Variants in GLDC observed in about 807,000 individuals in gnomAD.
GLDC encodes glycine dehydrogenase (decarboxylating), mitochondrial.
GLDC carries 104 observed loss-of-function variants against 121.3 expected under a neutral mutation model. That is an observed-to-expected ratio of 0.86 (90% CI 0.73 to 1.01). GLDC has a LOEUF of 1.01. GLDC is among the 50% of genes least tolerant of loss of function. The pLI is 0.00. For missense variants in GLDC, 1,429 were observed against 1,306.6 expected, an observed-to-expected ratio of 1.09 and a Z score of -1.44; for synonymous variants, 546 against 480.6, an observed-to-expected ratio of 1.14 and a Z score of -1.78.
At chr9:6,595,955 C>T (rs1818486958) in intron 8 of GLDC, among the ~76,000 whole-genome samples, 1 of 152,116 alleles carries the variant, frequency 6.6e-6, no homozygotes, top group Non-Finnish European at 1.5e-5. Context: ...AAGGTGAAGT[C>T]AGCAAACAAG....
At chr9:6,598,820 T>C (rs1404670472) in intron 8 of GLDC, among the ~76,000 whole-genome samples, 1 of 152,202 alleles carries the variant, frequency 6.6e-6, no homozygotes, top group African/African-American at 2.4e-5. Context: ...CTGGAAAAGA[T>C]ACAGACCTTT....
intron 7 of GLDC, among the ~76,000 whole-genome samples, chr9:6,603,397 A>C (rs1818658601): frequency 6.6e-6 from 1 of 151,922 alleles, no homozygotes; most frequent in Non-Finnish European, 1.5e-5. Context: ...TGGGCAGATC[A>C]CTTGAGCCCT....
chr9:6,547,260 T>C (rs1439681953), intron 21 of GLDC, among the ~76,000 whole-genome samples: 1 of 152,132 alleles, frequency 6.6e-6, no homozygotes, highest in East Asian at 1.9e-4. Flanking sequence ...ACAACATGAT[T>C]TTAAGCTGTG....
rs895149320 is a variant in GLDC at position 6,544,183 on chromosome 9, T to C, written c.2570-4037A>G. On this transcript the variant is annotated intron_variant, in intron 21 of 24. Coordinates refer to ENST00000321612, the MANE Select transcript of GLDC (RefSeq NM_000170.3). Reference sequence around the variant, plus strand: ...TTAGCTGAAATCCACAGAACATGACTAACAGAATCAAACCTCCCGGCTGTT... The same window carrying C: ...TTAGCTGAAATCCACAGAACATGACCAACAGAATCAAACCTCCCGGCTGTT... Among the ~76,000 whole-genome samples, 4 of 152,248 alleles carry C rather than the reference T, an allele frequency of 2.6e-5. No individual in the cohort carries two copies. In the East Asian group the frequency reaches 5.8e-4, roughly 22 times the overall value.
rs143709995 is a variant in GLDC at position 6,642,736 on chromosome 9, A to G, written c.334+1878T>C. ...TGAAAAGAACACTTTATTTTAGAGTATATATATTATAAAAATAGCTAACCT... is the reference window on the plus strand; with the variant it reads ...TGAAAAGAACACTTTATTTTAGAGTGTATATATTATAAAAATAGCTAACCT... On this transcript the variant is annotated intron_variant, in intron 2 of 24. Transcript: ENST00000321612. Among the ~76,000 whole-genome samples the G allele has an allele frequency of 1.8e-4, 27 of 152,202 alleles. No homozygotes were observed. In the South Asian group the frequency reaches 2.1e-3, roughly 12 times the overall value.
chr9:6,621,094 T>C (rs556208178), intron 2 of GLDC, among the ~76,000 whole-genome samples: 3 of 152,260 alleles, frequency 2.0e-5, no homozygotes, highest in Admixed American at 1.3e-4. Flanking sequence ...CACATGAGCC[T>C]GGGAGGCAGA....
At chr9:6,614,551 A>C (rs1405803686) in intron 3 of GLDC, among the ~76,000 whole-genome samples, 1 of 141,214 alleles carries the variant, frequency 7.1e-6, no homozygotes, top group Non-Finnish European at 1.5e-5. Context: ...CTGGGTTTCA[A>C]TCTTTTTTTT....
chr9:6,586,895 G>T (rs919392571), intron 15 of GLDC, among the ~76,000 whole-genome samples: 1 of 152,118 alleles, frequency 6.6e-6, no homozygotes, highest in Non-Finnish European at 1.5e-5. Context: ...TACAAGGAAA[G>T]CCCCATATGG....
rs1488639676 is a variant in GLDC, at chr9:6,587,280, T to C, written c.1711A>G (p.Ile571Val). The C allele has an allele frequency of 6.2e-7, 1 of 1,612,940 alleles. No individual in the cohort carries two copies. The highest frequency in any genetic ancestry group is 1.3e-5 in the African/African-American group (1 of 74,988). The stretch of plus-strand genomic sequence containing the variant: ...ATGTTTGCAAATTCTTTCCATGTGA[T>C]AGGCTGAAAAGAAAGAAAACAAAAA... ...KLNSSSELAP[I>V]TWKEFANIHP... Residue 571 changes from isoleucine to valine, a missense_variant, in exon 15 of 25, where the codon ATC becomes GTC. By Grantham distance (29) the Ile-to-Val change is conservative. Coordinates refer to ENST00000321612, the MANE Select transcript of GLDC (RefSeq NM_000170.3).
At chr9:6,617,624 T>C (rs1818991266) in intron 3 of GLDC, among the ~76,000 whole-genome samples, 3 of 152,186 alleles carry the variant, frequency 2.0e-5, no homozygotes, top group Non-Finnish European at 4.4e-5. Context: ...GATTTTCCTG[T>C]CCCCTTATTA....
At chr9:6,619,465 T>G (rs1281204735) in intron 3 of GLDC, among the ~76,000 whole-genome samples, 2 of 151,852 alleles carry the variant, frequency 1.3e-5, no homozygotes, top group African/African-American at 4.8e-5. Context: ...CAGTGGCTCA[T>G]GCCTGTAATC....
At chr9:6,640,059 C>A (rs1344675569) in intron 2 of GLDC, among the ~76,000 whole-genome samples, 3 of 152,188 alleles carry the variant, frequency 2.0e-5, no homozygotes, top group African/African-American at 7.2e-5. Context: ...CCTCAGACAG[C>A]TTCCCTTGTA....
intron 22 of GLDC, among the ~76,000 whole-genome samples, chr9:6,539,056 T>G (rs1303559691): frequency 1.3e-5 from 2 of 152,216 alleles, no homozygotes; most frequent in Non-Finnish European, 2.9e-5. Flanking sequence ...TTTTTTTCTT[T>G]TTTTCCAAAA....
At chr9:6,549,297 G>A (rs899509205) in intron 21 of GLDC, among the ~76,000 whole-genome samples, 10 of 151,646 alleles carry the variant, frequency 6.6e-5, no homozygotes, top group Non-Finnish European at 1.5e-4. Flanking sequence ...CCTGGACCCT[G>A]GAGTCAGATG....
chr9:6,574,093 A>C (rs1258891102), intron 15 of GLDC, among the ~76,000 whole-genome samples: 1 of 152,218 alleles, frequency 6.6e-6, no homozygotes, highest in Non-Finnish European at 1.5e-5. Context: ...TTTGCTATCT[A>C]GTCAAAAAAC....
intron 15 of GLDC, chr9:6,565,646 T>C: frequency 1.6e-6 from 1 of 633,452 alleles, no homozygotes; most frequent in East Asian, 2.7e-5. Context: ...GCACTACAGC[T>C]CAACCACTCC....
chr9:6,574,487 G>T (rs1376422645), intron 15 of GLDC, among the ~76,000 whole-genome samples: 1 of 148,586 alleles, frequency 6.7e-6, no homozygotes, highest in Admixed American at 6.7e-5. Flanking sequence ...ACAAAGAAAA[G>T]AAAAAAAAAG....
At chr9:6,633,180 G>A (rs1819426091) in intron 2 of GLDC, among the ~76,000 whole-genome samples, 1 of 152,122 alleles carries the variant, frequency 6.6e-6, no homozygotes, top group African/African-American at 2.4e-5. Flanking sequence ...GCCTAAGAAA[G>A]GTCGAGAATA....
chr9:6,626,100 C>T (rs1819231881), intron 2 of GLDC, among the ~76,000 whole-genome samples: 1 of 151,874 alleles, frequency 6.6e-6, no homozygotes, highest in Admixed American at 6.6e-5. Flanking sequence ...TTAGATTTTG[C>T]TTGCAGACTT....
Sources: gnomAD v4.1 joint callset for allele counts (sites outside exome capture counted in the v4.1 genomes callset) on GRCh38, gnomAD v4.1.1 for gene constraint, MANE v1.5 for transcripts, NCBI Gene and HGNC (gene_info 2026-07-23, HGNC 2026-07-21) for gene names.